The following FRY variants were observed in gnomAD, a reference collection of about 807,000 sequenced individuals.
The protein encoded by FRY is FRY microtubule binding protein.
A neutral mutation model predicts 348.4 loss-of-function variants in FRY; 128 were observed. The observed-to-expected ratio is 0.37, with a 90% CI of 0.32 to 0.43. The LOEUF (loss-of-function observed/expected upper bound fraction) is 0.43, where lower values mean the gene tolerates loss of function less well. Among genes scored for constraint, FRY ranks in the 20% least tolerant of loss-of-function variants. FRY has a pLI of 1.00. For synonymous variants in FRY, 1,370 were observed against 1,374.7 expected (o/e 1.00, Z 0.08); for missense variants, 2,736 against 3,695.2 (o/e 0.74, Z 6.73).
In FRY at chr13:32,115,456, C is replaced by G. The variant is rs187863533; in HGVS notation, c.325-1878C>G. Among the ~76,000 whole-genome samples, 50 of 152,258 alleles carry G rather than the reference C, an allele frequency of 3.3e-4. No homozygotes were observed. In the East Asian group the frequency reaches 8.3e-3, roughly 25 times the overall value. The stretch of plus-strand genomic sequence containing the variant: ...CCACTGTTTGGGGGATTCAGCCTCC[C>G]CATACACAATTTGTATGGGCTTATG... On this transcript the variant is annotated intron_variant, in intron 3 of 60. Coordinates refer to ENST00000542859, the MANE Select transcript of FRY (RefSeq NM_023037.3).
At chr13:32,265,739 A>C in intron 54 of FRY, 123 bp downstream of exon 54, 2 of 959,796 alleles carry the variant, frequency 2.1e-6, no homozygotes, top group Non-Finnish European at 3.3e-6. Context: ...CTCCAAAGTG[A>C]CATATATCAT....
chr13:32,168,835 A>T (rs1299875299), intron 17 of FRY, among the ~76,000 whole-genome samples: 1 of 152,240 alleles, frequency 6.6e-6, no homozygotes, highest in African/African-American at 2.4e-5. Flanking sequence ...TGCTTTATAA[A>T]ATAAGACAAG....
chr13:32,149,662 C>T (rs204558), intron 13 of FRY, 86 bp from the exon 14 acceptor site: 552,747 of 783,212 alleles, frequency 0.71, 198,616 homozygotes, highest in East Asian at 0.98. Flanking sequence ...ACCACCTGTT[C>T]GCTTGGTGCA....
At chr13:32,264,486 T>G (rs1411184448) in intron 53 of FRY, among the ~76,000 whole-genome samples, 1 of 152,198 alleles carries the variant, frequency 6.6e-6, no homozygotes, top group Non-Finnish European at 1.5e-5. Flanking sequence ...TTTGCCTTGC[T>G]TTTGTTTTTG....
At position 32,261,663 on chromosome 13, in the gene FRY, G is replaced by A. The variant is rs757697941; in HGVS notation, c.7464G>A (p.Leu2488=). The change falls in exon 52 of 61, where the codon CTG becomes CTA. Residue 2488 remains leucine, a synonymous_variant. Coordinates refer to ENST00000542859, the MANE Select transcript of FRY (RefSeq NM_023037.3). ...NFNWGVRRRS[L]DSLDKCDMQI... ...ACTGGGGAGTGCGCAGACGTTCTCT[G>A]GACAGCCTGGATAAGTGTGATATGC... 2 of 1,614,124 alleles carry A rather than the reference G, an allele frequency of 1.2e-6. No individual in the cohort carries two copies. Among genetic ancestry groups the A allele is most frequent in the Non-Finnish European group, 1.7e-6 (2 of 1,180,012 alleles).
chr13:32,037,979 T>C (rs1872602902), intron 1 of FRY, among the ~76,000 whole-genome samples: 1 of 152,232 alleles, frequency 6.6e-6, no homozygotes, highest in South Asian at 2.1e-4. Context: ...ATAAGCTTTT[T>C]ATGCAGGTTC....
At chr13:32,222,433 G>C (rs1288643072) in intron 36 of FRY, among the ~76,000 whole-genome samples, 3 of 152,106 alleles carry the variant, frequency 2.0e-5, no homozygotes, top group Non-Finnish European at 4.4e-5. Context: ...CTGCTCTGTG[G>C]AACACAGACC....
At chr13:32,048,937 A>G (rs1873172816) in intron 1 of FRY, among the ~76,000 whole-genome samples, 2 of 152,168 alleles carry the variant, frequency 1.3e-5, no homozygotes, top group Non-Finnish European at 2.9e-5. Flanking sequence ...AAATGCTTAC[A>G]TGTGTAGGGT....
At chr13:32,288,999 G>A (rs576181653) in intron 58 of FRY, among the ~76,000 whole-genome samples, 3 of 152,252 alleles carry the variant, frequency 2.0e-5, no homozygotes, top group South Asian at 2.1e-4. Context: ...AAATTCGAGA[G>A]GTATTTATGT....
Position 32,147,271 on chromosome 13 carries a change from T to C in FRY, c.1180-11T>C, listed in dbSNP as rs1446518423. 6.6e-7 allele frequency: 1 copy of C among 1,522,132 alleles called. No homozygotes were observed. Among genetic ancestry groups the C allele is most frequent in the East Asian group, 2.2e-5 (1 of 44,448 alleles). The allele number at this position is 1,522,132 out of a possible 1,614,324, so 94.3% of individuals were successfully genotyped here. A position where few individuals can be genotyped will look rare whatever the true frequency, so the allele number is the denominator to read the frequency against. ...TACATCTGCAGTCTTACATCTTGGT[T>C]TCTGTTATAGAACAAAGATCCCAAG... On this transcript the variant is annotated splice_polypyrimidine_tract_variant and intron_variant, in intron 11 of 60. Transcript: ENST00000542859.
chr13:32,041,139 T>TA (rs1182206904), intron 1 of FRY, among the ~76,000 whole-genome samples: 1 of 152,170 alleles, frequency 6.6e-6, no homozygotes, highest in African/African-American at 2.4e-5. Flanking sequence ...TTTTTCTTTT[T>TA]AAAAAAGTCT....
At chr13:32,232,863 A>G (rs1359428393) in intron 41 of FRY, among the ~76,000 whole-genome samples, 2 of 152,170 alleles carry the variant, frequency 1.3e-5, no homozygotes, top group Non-Finnish European at 2.9e-5. Flanking sequence ...CTGAGGTCCT[A>G]CTAGTACAGT....
chr13:32,210,775 GACA>G, intron 33 of FRY, 88 bp from the exon 34 acceptor site: 1 of 1,037,570 alleles, frequency 9.6e-7, no homozygotes, highest in South Asian at 1.3e-5. Flanking sequence ...CCTGCATGAT[GACA>G]ACTTATCTAA....
chr13:32,161,165 A>C lies in FRY; in HGVS notation c.1806A>C (p.Ile602=). Residue 602 remains isoleucine (I), a synonymous_variant, in exon 17 of 61, where the codon ATA becomes ATC. Coordinates refer to ENST00000542859, the MANE Select transcript of FRY (RefSeq NM_023037.3). ...DMITGERKPK[I]DLFRTCVAAI... ...CTAGGGGTGAGAGAAAGCCAAAAAT[A>C]GATCTTTTCAGGACCTGTGTTGCTG... 6 of 1,612,396 alleles carry C rather than the reference A, an allele frequency of 3.7e-6. No homozygotes were observed. Among genetic ancestry groups the C allele is most frequent in the Non-Finnish European group, 5.1e-6 (6 of 1,178,438 alleles).
Position 32,295,735 on chromosome 13 carries a change from A to T in FRY, c.*275A>T. On this transcript the variant is annotated 3_prime_UTR_variant, in exon 61 of 61. Coordinates refer to ENST00000542859, the MANE Select transcript of FRY (RefSeq NM_023037.3). ...CCGAGCATATGCAACTCGCTACTGA[A>T]GAAGTGACTTCCGTTGCATACCAAA... 1 of 536,936 alleles carries T rather than the reference A, an allele frequency of 1.9e-6. No individual in the cohort carries two copies. Among genetic ancestry groups the T allele is most frequent in the South Asian group, 2.2e-5 (1 of 45,104 alleles). The allele number at this position is 536,936 out of a possible 1,614,324, so 33.3% of individuals were successfully genotyped here.
chr13:32,042,249 C>T (rs413833), intron 1 of FRY, among the ~76,000 whole-genome samples: 92,306 of 151,926 alleles, frequency 0.61, 28,503 homozygotes, highest in South Asian at 0.66. Flanking sequence ...AAAATACAAA[C>T]TGGAAATGAT....
At chr13:32,073,654 A>G (rs984430441) in intron 1 of FRY, among the ~76,000 whole-genome samples, 5 of 152,156 alleles carry the variant, frequency 3.3e-5, no homozygotes, top group Non-Finnish European at 7.4e-5. Flanking sequence ...GTTCACCAGT[A>G]TCTTCCCAGT....
chr13:32,157,308 G>A lies in FRY; in HGVS notation c.1687G>A (p.Val563Ile). ...ATATTACTCTCAAGTACGAAAAGCT[G>A]TAGACAACATTTTAAGGCACCTTGA... Reference protein sequence around the residue: ...SLYYSQVRKAVDNILRHLDKE... With the variant: ...SLYYSQVRKAIDNILRHLDKE... Residue 563 changes from valine to isoleucine, a missense_variant, in exon 16 of 61, where the codon GTA becomes ATA. Physicochemically the swap from Val to Ile is conservative, Grantham distance 29. This residue lies in a region of FRY where 191 missense variants were observed against 370.2 expected (regional missense o/e 0.52). Coordinates refer to ENST00000542859, the MANE Select transcript of FRY (RefSeq NM_023037.3). 2.5e-6 allele frequency: 4 copies of A among 1,612,926 alleles called. No individual in the cohort carries two copies. The highest frequency in any genetic ancestry group is 1.3e-5 in the African/African-American group (1 of 75,032).
chr13:32,268,501 A>ATAT (rs56926515), intron 55 of FRY, among the ~76,000 whole-genome samples: 2 of 17,050 alleles, frequency 1.2e-4, no homozygotes, highest in Non-Finnish European at 1.5e-4. Flanking sequence ...AAAAAAAAAA[A>ATAT]AAAAATATAT....
Sources: gnomAD v4.1 joint callset for allele counts (sites outside exome capture counted in the v4.1 genomes callset) on GRCh38, gnomAD v4.1.1 for gene constraint, gnomAD v4.1.1 regional missense constraint, MANE v1.5 for transcripts, NCBI Gene and HGNC (gene_info 2026-07-23, HGNC 2026-07-21) for gene names.